STK35: variants seen among roughly 807,000 people sequenced by gnomAD.
STK35 encodes the protein serine/threonine kinase 35, also known as serine/threonine-protein kinase 35.
In STK35, 17 loss-of-function variants were observed where a neutral mutation model predicts 37.3. The observed-to-expected ratio is 0.46, with a 90% CI of 0.31 to 0.68. The LOEUF is 0.68. STK35 is among the 30% of genes least tolerant of loss of function. STK35 has a pLI of 0.05. For missense variants in STK35, 595 were observed against 746.7 expected (o/e 0.80, Z 2.37); for synonymous variants, 385 against 319.1 (o/e 1.21, Z -2.20).
intron 3 of STK35, among the ~76,000 whole-genome samples, chr20:2,118,828 G>A (rs1038520120): frequency 6.6e-6 from 1 of 152,206 alleles, no homozygotes; most frequent in Non-Finnish European, 1.5e-5. Context: ...ACTGCCTATA[G>A]TATTCAGTAC....
intron 3 of STK35, among the ~76,000 whole-genome samples, chr20:2,143,109 C>A (rs1986197892): frequency 6.6e-6 from 1 of 152,184 alleles, no homozygotes; most frequent in Non-Finnish European, 1.5e-5. Flanking sequence ...TAAATTCCCC[C>A]ACAGTCGAGG....
At chr20:2,141,238 T>C (rs1000855890) in intron 3 of STK35, among the ~76,000 whole-genome samples, 47 of 152,186 alleles carry the variant, frequency 3.1e-4, no homozygotes, top group African/African-American at 1.1e-3. Context: ...TCAGGGAATA[T>C]GTTTATGATG....
In STK35 at chr20:2,143,958, C is replaced by CTT. The variant is rs10713601; in HGVS notation, c.*223_*224dup. ...TGCTTTATTTTTTTCCTTTTCTTTT[C>CTT]TTTTTTTTTTTTCCTCTTTCCTTTT... On this transcript the variant is annotated 3_prime_UTR_variant, in exon 4 of 4. Transcript: ENST00000381482. 21 of 187,652 alleles carry CTT rather than the reference C, an allele frequency of 1.1e-4. No individual in the cohort carries two copies. The highest frequency in any genetic ancestry group is 1.3e-3 in the Middle Eastern group (2 of 1,580). 11.6% of individuals were successfully genotyped at this position (187,652 alleles called of 1,614,324 possible). A position where few individuals can be genotyped will look rare whatever the true frequency, so the allele number is the denominator to read the frequency against.
intron 2 of STK35, among the ~76,000 whole-genome samples, chr20:2,114,673 CTTT>C (rs540121393): frequency 6.6e-6 from 1 of 152,152 alleles, no homozygotes; most frequent in Non-Finnish European, 1.5e-5. Context: ...ACTTTGGGTT[CTTT>C]TTTTACCATT....
rs374539427 is a variant in STK35, at chr20:2,116,919, T to C, written c.1146T>C (p.Phe382=). Reference sequence around the variant, plus strand: ...CCCCCATCCTCAAAGTGGCCGACTTTGGACTAAGCAAGGTCTGTGCTGGGC... The same window carrying C: ...CCCCCATCCTCAAAGTGGCCGACTTCGGACTAAGCAAGGTCTGTGCTGGGC... ...SGTPILKVAD[F]GLSKVCAGLA... Residue 382 remains phenylalanine (F), a synonymous_variant, in exon 3 of 4, where the codon TTT becomes TTC. Coordinates refer to ENST00000381482, the MANE Select transcript of STK35 (RefSeq NM_080836.4). 5.0e-5 allele frequency: 80 copies of C among 1,614,018 alleles called. No homozygotes were observed. The highest frequency in any genetic ancestry group is 6.4e-5 in the Non-Finnish European group (76 of 1,180,028).
Position 2,103,377 on chromosome 20 carries a change from G to A in STK35, c.892+12G>A. On this transcript the variant is annotated intron_variant, in intron 2 of 3. Transcript: ENST00000381482. ...GACCTCGCTGAAAGGTAGGAGCACC[G>A]CGGGCCTTTCCACCCACGCAGGGCC... 6.2e-7 allele frequency: 1 copy of A among 1,603,804 alleles called. No homozygotes were observed. Among genetic ancestry groups the A allele is most frequent in the Non-Finnish European group, 8.5e-7 (1 of 1,174,040 alleles).
intron 3 of STK35, among the ~76,000 whole-genome samples, chr20:2,118,974 C>T (rs958667527): frequency 6.6e-6 from 1 of 152,178 alleles, no homozygotes; most frequent in African/African-American, 2.4e-5. Flanking sequence ...TGACTCATTT[C>T]TCAGAAATCG....
At chr20:2,122,944 CTCTT>C (rs1232040649) in intron 3 of STK35, among the ~76,000 whole-genome samples, 3 of 152,238 alleles carry the variant, frequency 2.0e-5, no homozygotes, top group African/African-American at 7.2e-5. Flanking sequence ...TGGGTCTGAT[CTCTT>C]TCTTATTTGT....
intron 3 of STK35, among the ~76,000 whole-genome samples, chr20:2,126,557 G>T (rs1390490102): frequency 6.6e-6 from 1 of 152,180 alleles, no homozygotes; most frequent in Non-Finnish European, 1.5e-5. Flanking sequence ...GAGATACACT[G>T]TGGACCCAGG....
chr20:2,140,022 CT>C (rs1465813397), intron 3 of STK35, among the ~76,000 whole-genome samples: 1 of 152,240 alleles, frequency 6.6e-6, no homozygotes, highest in East Asian at 1.9e-4. Flanking sequence ...AGCTGGAAAA[CT>C]TTGGATTAAG....
chr20:2,136,660 A>C lies in STK35; in HGVS notation c.*38-7124A>C, dbSNP rs114874924. Among the ~76,000 whole-genome samples, 1,007 of 152,348 alleles carry C rather than the reference A, an allele frequency of 6.6e-3. 13 individuals carry two copies. Among genetic ancestry groups the C allele is most frequent in the African/African-American group, 0.023 (965 of 41,584 alleles). On this transcript the variant is annotated intron_variant, in intron 3 of 3. Transcript: ENST00000381482. ...AATGATTCTGTGAAGTTTTATTGCT[A>C]TGTACTAATTCCCAGTTTCTAGCTA...
chr20:2,128,572 C>T (rs1358295573), intron 3 of STK35, among the ~76,000 whole-genome samples: 1 of 152,132 alleles, frequency 6.6e-6, no homozygotes, highest in Non-Finnish European at 1.5e-5. Context: ...TAGGGTGAAG[C>T]CCTGTGGCCT....
intron 3 of STK35, among the ~76,000 whole-genome samples, chr20:2,118,131 G>GT (rs1985751866): frequency 6.6e-6 from 1 of 152,040 alleles, no homozygotes; most frequent in African/African-American, 2.4e-5. Context: ...GTTGGTCAAG[G>GT]TCTTTTTCTT....
chr20:2,131,842 C>G (rs1986006387), intron 3 of STK35, among the ~76,000 whole-genome samples: 1 of 152,162 alleles, frequency 6.6e-6, no homozygotes, highest in East Asian at 1.9e-4. Flanking sequence ...CCTCAGCCTC[C>G]CAAAGCGCTG....
rs1313488936 is a variant in STK35 at position 2,103,382 on chromosome 20, C to A, written c.892+17C>A. Reference sequence around the variant, plus strand: ...CGCTGAAAGGTAGGAGCACCGCGGGCCTTTCCACCCACGCAGGGCCTGGAC... The same window carrying A: ...CGCTGAAAGGTAGGAGCACCGCGGGACTTTCCACCCACGCAGGGCCTGGAC... On this transcript the variant is annotated intron_variant, in intron 2 of 3. Transcript: ENST00000381482. 1 of 1,601,494 alleles carries A rather than the reference C, an allele frequency of 6.2e-7. No homozygotes were observed. Among genetic ancestry groups the A allele is most frequent in the Non-Finnish European group, 8.5e-7 (1 of 1,172,782 alleles).
chr20:2,125,584 A>G (rs1475998499), intron 3 of STK35, among the ~76,000 whole-genome samples: 1 of 152,244 alleles, frequency 6.6e-6, no homozygotes, highest in Non-Finnish European at 1.5e-5. Flanking sequence ...AGTACCATAC[A>G]GTAAAGCAGC....
chr20:2,141,159 A>C (rs1177041652), intron 3 of STK35, among the ~76,000 whole-genome samples: 1 of 152,222 alleles, frequency 6.6e-6, no homozygotes, highest in African/African-American at 2.4e-5. Flanking sequence ...TGCTGTGTCT[A>C]CGGAAAGCAC....
At chr20:2,104,124 G>T (rs1445154923) in intron 2 of STK35, among the ~76,000 whole-genome samples, 3 of 152,200 alleles carry the variant, frequency 2.0e-5, no homozygotes, top group Non-Finnish European at 2.9e-5. Flanking sequence ...AAGAGGTCTT[G>T]CAGTCCTGGA....
chr20:2,141,058 T>C (rs1986164440), intron 3 of STK35, among the ~76,000 whole-genome samples: 1 of 152,210 alleles, frequency 6.6e-6, no homozygotes, highest in African/African-American at 2.4e-5. Flanking sequence ...CATGTGGCTG[T>C]ATAATTTCTC....
Sources: allele counts gnomAD v4.1 joint callset (sites outside exome capture counted in the v4.1 genomes callset), GRCh38; gene constraint gnomAD v4.1.1; transcripts MANE v1.5; gene names NCBI Gene and HGNC (gene_info 2026-07-23, HGNC 2026-07-21).